CEP70: variants seen among roughly 807,000 people sequenced by gnomAD.
CEP70 encodes centrosomal protein of 70 kDa.
CEP70 carries 70 observed loss-of-function variants against 90.9 expected under a neutral mutation model. The ratio of observed to expected loss-of-function variants is 0.77; its 90% CI spans 0.64 to 0.94. The LOEUF (loss-of-function observed/expected upper bound fraction) is 0.94. CEP70 is among the 40% of genes least tolerant of loss of function. The pLI, the probability that CEP70 is intolerant of heterozygous loss-of-function variation, is 0.00. For synonymous variants in CEP70, 220 were observed against 228.3 expected (o/e 0.96, Z 0.33); for missense variants, 648 against 669.0 (o/e 0.97, Z 0.35).
Position 138,510,433 on chromosome 3 carries a change from C to CAA in CEP70, c.945-1891_945-1890dup, listed in dbSNP as rs58172702. On this transcript the variant is annotated intron_variant, in intron 11 of 17. Coordinates refer to ENST00000264982, the MANE Select transcript of CEP70 (RefSeq NM_024491.4). ...GGGTGACAGAGTGAGACTCCATCTC[C>CAA]AAAAAAAAAAAGAAATACTGTGTTA... is the stretch of plus-strand genomic sequence containing the variant. 5.7e-3 allele frequency among the ~76,000 whole-genome samples: 807 copies of CAA among 142,474 alleles called. 5 individuals carry two copies. Among genetic ancestry groups the CAA allele is most frequent in the Non-Finnish European group, 8.6e-3 (565 of 65,458 alleles). The allele number at this position is 142,474 out of a possible 152,430, so 93.5% of individuals were successfully genotyped here.
chr3:138,533,303 A>C (rs1394226320), intron 7 of CEP70, among the ~76,000 whole-genome samples: 1 of 152,028 alleles, frequency 6.6e-6, no homozygotes, highest in Non-Finnish European at 1.5e-5. Context: ...AAAAAGAAAG[A>C]AAAAGAAAAT....
intron 7 of CEP70, among the ~76,000 whole-genome samples, chr3:138,532,786 TTA>T (rs999227373): frequency 1.1e-4 from 16 of 152,164 alleles, no homozygotes; most frequent in African/African-American, 3.9e-4. Flanking sequence ...ACTATAAACA[TTA>T]TATCTCAACA....
intron 11 of CEP70, among the ~76,000 whole-genome samples, chr3:138,523,345 A>T (rs940105785): frequency 3.9e-5 from 6 of 152,200 alleles, no homozygotes; most frequent in Non-Finnish European, 8.8e-5. Flanking sequence ...CACCACTCCT[A>T]TTCAACATAG....
At chr3:138,570,628 C>T in intron 5 of CEP70, 130 bp from the exon 6 acceptor site, 1 of 688,960 alleles carries the variant, frequency 1.5e-6, no homozygotes, top group African/African-American at 1.9e-5. Context: ...TGCTTGGAAC[C>T]AGAAGTGATT....
chr3:138,554,226 T>C (rs2039836030), intron 6 of CEP70, among the ~76,000 whole-genome samples: 3 of 151,364 alleles, frequency 2.0e-5, no homozygotes, highest in Non-Finnish European at 4.4e-5. Flanking sequence ...TCCAGCATCC[T>C]TTTGTCATTA....
rs569854947 is a variant in CEP70 at position 138,566,831 on chromosome 3, T to TA, written c.465+3486dup. 3.6e-3 allele frequency among the ~76,000 whole-genome samples: 544 copies of TA among 151,680 alleles called. 4 individuals are homozygous for TA. The highest frequency in any genetic ancestry group is 0.013 in the African/African-American group (520 of 41,366). ...TATATATATATATAAAAAAAAAACT[T>TA]AAATGTATACTTACCATATGACTCA... On this transcript the variant is annotated intron_variant, in intron 6 of 17. Coordinates refer to ENST00000264982, the MANE Select transcript of CEP70 (RefSeq NM_024491.4).
At chr3:138,579,514 G>A (rs772186231) in intron 2 of CEP70, among the ~76,000 whole-genome samples, 3 of 151,568 alleles carry the variant, frequency 2.0e-5, no homozygotes, top group Non-Finnish European at 4.4e-5. Flanking sequence ...CTTGCAACTC[G>A]GATACCAGCT....
At position 138,500,837 on chromosome 3, in the gene CEP70, A is replaced by T. The variant is rs1301305928; in HGVS notation, c.1266T>A (p.Pro422=). 6.2e-7 allele frequency: 1 copy of T among 1,605,180 alleles called. No individual in the cohort carries two copies. The highest frequency in any genetic ancestry group is 8.5e-7 in the Non-Finnish European group (1 of 1,173,990). The change falls in exon 14 of 18, where the codon CCT becomes CCA. Residue 422 remains proline (P), a synonymous_variant. Coordinates refer to ENST00000264982, the MANE Select transcript of CEP70 (RefSeq NM_024491.4). ...SLKTLSAELV[P]WLNLKKQDEN... is the part of the protein sequence containing the mutation. Reference sequence around the variant, plus strand: ...CATCCTGCTTCTTCAAATTAAGCCAAGGTACCAGTTCTGCAGATAGTGTTT... The same window carrying T: ...CATCCTGCTTCTTCAAATTAAGCCATGGTACCAGTTCTGCAGATAGTGTTT...
Position 138,575,264 on chromosome 3 carries a change from G to A in CEP70, c.-5-2332C>T, listed in dbSNP as rs150638793. ...AGTGTAAAGAAGACCTTAAATGACC[G>A]GATGGAGCTGAAAACCATGGCACGA... On this transcript the variant is annotated intron_variant, in intron 2 of 17. Coordinates refer to ENST00000264982, the MANE Select transcript of CEP70 (RefSeq NM_024491.4). Among the ~76,000 whole-genome samples the A allele has an allele frequency of 1.9e-4, 29 of 152,252 alleles. No individual in the cohort carries two copies. The South Asian group carries it at 3.1e-3, about 16-fold the overall frequency.
chr3:138,518,950 T>C (rs1277445786), intron 11 of CEP70, among the ~76,000 whole-genome samples: 1 of 151,810 alleles, frequency 6.6e-6, no homozygotes, highest in African/African-American at 2.4e-5. Context: ...ATTAGACGAA[T>C]GACTAACTAG....
At chr3:138,535,677 A>T (rs1385522060) in intron 7 of CEP70, among the ~76,000 whole-genome samples, 1 of 152,204 alleles carries the variant, frequency 6.6e-6, no homozygotes, top group Non-Finnish European at 1.5e-5. Context: ...GGACAAATTC[A>T]TACCTGAATT....
At chr3:138,498,625 C>T (rs1423494376) in intron 16 of CEP70, among the ~76,000 whole-genome samples, 5 of 151,944 alleles carry the variant, frequency 3.3e-5, no homozygotes, top group Non-Finnish European at 5.9e-5. Context: ...TGAGCTACCA[C>T]GCCCAGCCAA....
At chr3:138,576,855 G>A (rs1031079187) in intron 2 of CEP70, among the ~76,000 whole-genome samples, 2 of 152,156 alleles carry the variant, frequency 1.3e-5, no homozygotes, top group Non-Finnish European at 1.5e-5. Flanking sequence ...AATGACTACT[G>A]TGTAAATAAC....
chr3:138,572,832 CAGTGTCTTA>C lies in CEP70; in HGVS notation c.69+18_69+26del, dbSNP rs754995817. The C allele has an allele frequency of 4.4e-6, 6 of 1,361,570 alleles. No individual in the cohort carries two copies. The highest frequency in any genetic ancestry group is 6.3e-6 in the Non-Finnish European group (6 of 953,182). 84.3% of individuals were successfully genotyped at this position (1,361,570 alleles called of 1,614,324 possible). A position where few individuals can be genotyped will look rare whatever the true frequency, so the allele number is the denominator to read the frequency against. On this transcript the variant is annotated intron_variant, in intron 3 of 17. Transcript: ENST00000264982. ...ATTCTTTGGCACATATTTTGAGAAG[CAGTGTCTTA>C]AAATATTTTAAGTTTACCTGTTTTT...
chr3:138,527,194 G>T (rs942807320), intron 10 of CEP70, among the ~76,000 whole-genome samples: 1 of 152,052 alleles, frequency 6.6e-6, no homozygotes, highest in Non-Finnish European at 1.5e-5. Flanking sequence ...TTAAGAGACA[G>T]AGTCTCTGTT....
At chr3:138,529,117 G>C in intron 10 of CEP70, 82 bp downstream of exon 10, 1 of 786,662 alleles carries the variant, frequency 1.3e-6, no homozygotes, top group Non-Finnish European at 2.1e-6. Context: ...GGTGAGACGT[G>C]ATCACACCAC....
intron 6 of CEP70, among the ~76,000 whole-genome samples, chr3:138,543,043 C>T (rs1195106972): frequency 6.6e-6 from 1 of 152,168 alleles, no homozygotes; most frequent in Non-Finnish European, 1.5e-5. Flanking sequence ...GAAAAAGCAT[C>T]ATCCAATTGG....
chr3:138,566,185 G>A (rs1461007180), intron 6 of CEP70, among the ~76,000 whole-genome samples: 5 of 152,162 alleles, frequency 3.3e-5, no homozygotes, highest in African/African-American at 1.2e-4. Context: ...AACAGATGCC[G>A]GAGAGGATGT....
At chr3:138,557,118 G>C in intron 6 of CEP70, among the ~76,000 whole-genome samples, 1 of 152,112 alleles carries the variant, frequency 6.6e-6, no homozygotes, top group East Asian at 1.9e-4. Context: ...CTTTCTCAGG[G>C]ATGTTCCTTG....
Sources: allele counts gnomAD v4.1 joint callset (sites outside exome capture counted in the v4.1 genomes callset), GRCh38; gene constraint gnomAD v4.1.1; transcripts MANE v1.5; gene names NCBI Gene and HGNC (gene_info 2026-07-23, HGNC 2026-07-21).